Variants in NRG1 observed in about 807,000 individuals in gnomAD.
The protein encoded by NRG1 is neuregulin 1, also known as pro-neuregulin-1, membrane-bound isoform.
Under a neutral mutation model 63.8 loss-of-function variants are expected in NRG1, and 18 were observed. The ratio of observed to expected loss-of-function variants is 0.28; its 90% CI spans 0.19 to 0.42. The LOEUF (loss-of-function observed/expected upper bound fraction) is 0.42, where lower values mean the gene tolerates loss of function less well. Ranked by LOEUF, NRG1 falls within the 10% of genes least tolerant of loss-of-function variation. NRG1 has a pLI of 1.00. For synonymous variants in NRG1, 302 were observed against 301.3 expected (o/e 1.00, Z -0.02); for missense variants, 762 against 814.7 (o/e 0.94, Z 0.79).
chr8:32,716,878 A>G (rs1014631218), intron 5 of NRG1, among the ~76,000 whole-genome samples: 1 of 152,046 alleles, frequency 6.6e-6, no homozygotes, highest in African/African-American at 2.4e-5. Context: ...AGCAGGATGC[A>G]GAACCCCAAT....
chr8:32,284,671 C>T (rs1853313979), intron 1 of NRG1, among the ~76,000 whole-genome samples: 1 of 152,132 alleles, frequency 6.6e-6, no homozygotes, highest in Admixed American at 6.5e-5. Context: ...GCTGGGACCA[C>T]AGGCACATAT....
At chr8:31,700,398 C>G (rs1248607809) in intron 1 of NRG1, among the ~76,000 whole-genome samples, 1 of 152,132 alleles carries the variant, frequency 6.6e-6, no homozygotes, top group Non-Finnish European at 1.5e-5. Context: ...GCACCAAAGC[C>G]TAACCTAGGA....
chr8:32,736,811 G>GGTCAATTTTTATAAAAT (rs1825184882), intron 6 of NRG1, among the ~76,000 whole-genome samples: 1 of 152,014 alleles, frequency 6.6e-6, no homozygotes, highest in Non-Finnish European at 1.5e-5. Context: ...GACCATAAAT[G>GGTCAATTTTTATAAAAT]TGTGGTTTAT....
At chr8:31,930,036 G>C (rs1189042877) in intron 1 of NRG1, among the ~76,000 whole-genome samples, 1 of 152,182 alleles carries the variant, frequency 6.6e-6, no homozygotes. Flanking sequence ...CTGATTCCTT[G>C]CCAGGTCAGT....
intron 1 of NRG1, among the ~76,000 whole-genome samples, chr8:32,439,097 A>C (rs1819169332): frequency 6.6e-6 from 1 of 152,082 alleles, no homozygotes; most frequent in Non-Finnish European, 1.5e-5. Context: ...TGATAGAAAA[A>C]CTTGTCCTAG....
At chr8:32,572,363 A>G (rs542771358) in intron 1 of NRG1, among the ~76,000 whole-genome samples, 1 of 152,216 alleles carries the variant, frequency 6.6e-6, no homozygotes, top group African/African-American at 2.4e-5. Flanking sequence ...TCAATATATC[A>G]TAAGTGAGGT....
In NRG1 at chr8:32,293,409, T is replaced by A. The variant is rs560296322; in HGVS notation, c.38-302419T>A. On this transcript the variant is annotated intron_variant, in intron 1 of 10. Coordinates refer to the NRG1 transcript ENST00000519301. ...AGAGCTGTGAGAGGCAAGGAACAGATTTTTCCCTGGAGCCTCCGGAGGAAG... is the reference window on the plus strand; with the variant it reads ...AGAGCTGTGAGAGGCAAGGAACAGAATTTTCCCTGGAGCCTCCGGAGGAAG... Among the ~76,000 whole-genome samples, 22 of 152,162 alleles carry A rather than the reference T, an allele frequency of 1.4e-4. 1 individual carries two copies. In the South Asian group the frequency reaches 4.6e-3, roughly 32 times the overall value.
intron 1 of NRG1, among the ~76,000 whole-genome samples, chr8:32,087,323 C>T (rs376618087): frequency 3.9e-5 from 6 of 152,056 alleles, no homozygotes; most frequent in African/African-American, 1.4e-4. Flanking sequence ...CCTCCCCAAC[C>T]GATCTCTTCC....
intron 1 of NRG1, among the ~76,000 whole-genome samples, chr8:31,800,027 G>T (rs1384207486): frequency 1.3e-5 from 2 of 152,264 alleles, no homozygotes; most frequent in East Asian, 3.9e-4. Context: ...AATTCTCTTG[G>T]AAACATCGTC....
At chr8:31,700,226 T>C (rs961043145) in intron 1 of NRG1, among the ~76,000 whole-genome samples, 1 of 152,020 alleles carries the variant, frequency 6.6e-6, no homozygotes, top group African/African-American at 2.4e-5. Context: ...GGAGGCAGCT[T>C]TTACTCTCTG....
intron 1 of NRG1, among the ~76,000 whole-genome samples, chr8:32,096,754 G>A (rs745583782): frequency 7.9e-5 from 12 of 152,092 alleles, no homozygotes; most frequent in Admixed American, 3.9e-4. Flanking sequence ...ACTCACTCCC[G>A]ATCTCCCCAC....
chr8:32,151,700 A>T (rs1414990823), intron 1 of NRG1, among the ~76,000 whole-genome samples: 1 of 152,130 alleles, frequency 6.6e-6, no homozygotes, highest in Non-Finnish European at 1.5e-5. Flanking sequence ...AGCAGGGGGA[A>T]CCTGGCAACA....
chr8:32,090,446 G>C (rs556323072), intron 1 of NRG1, among the ~76,000 whole-genome samples: 1 of 151,976 alleles, frequency 6.6e-6, no homozygotes, highest in South Asian at 2.1e-4. Context: ...TCAGCCTCCC[G>C]AGAAGCTGGG....
intron 1 of NRG1, among the ~76,000 whole-genome samples, chr8:32,108,505 T>C (rs1831570869): frequency 6.6e-6 from 1 of 152,168 alleles, no homozygotes; most frequent in African/African-American, 2.4e-5. Flanking sequence ...CATGGCCTAA[T>C]TACCTCTTAA....
chr8:32,233,417 T>C (rs1246152604), intron 1 of NRG1, among the ~76,000 whole-genome samples: 1 of 151,680 alleles, frequency 6.6e-6, no homozygotes. Flanking sequence ...TGAGTGTACA[T>C]TATAAATAAA....
At chr8:31,765,522 G>T (rs775101802) in intron 1 of NRG1, among the ~76,000 whole-genome samples, 1 of 152,140 alleles carries the variant, frequency 6.6e-6, no homozygotes, top group Admixed American at 6.6e-5. Flanking sequence ...GTGTTTCTGA[G>T]AGTTTTTATC....
At chr8:31,778,267 C>T (rs960522359) in intron 1 of NRG1, among the ~76,000 whole-genome samples, 1 of 152,202 alleles carries the variant, frequency 6.6e-6, no homozygotes, top group Admixed American at 6.5e-5. Context: ...GGCTTCCTGT[C>T]GTACTCTCTG....
intron 1 of NRG1, among the ~76,000 whole-genome samples, chr8:32,273,562 C>T (rs1347101285): frequency 6.6e-6 from 1 of 152,122 alleles, no homozygotes; most frequent in Non-Finnish European, 1.5e-5. Flanking sequence ...TGCTTTTGTT[C>T]TGCCTGTGTT....
chr8:32,066,030 G>T (rs1490495317), intron 1 of NRG1, among the ~76,000 whole-genome samples: 1 of 152,202 alleles, frequency 6.6e-6, no homozygotes, highest in East Asian at 1.9e-4. Context: ...TTTTGATGGG[G>T]TTGTTTGTTT....
Sources: allele counts gnomAD v4.1 joint callset (sites outside exome capture counted in the v4.1 genomes callset), GRCh38; gene constraint gnomAD v4.1.1; transcripts MANE v1.5; gene names NCBI Gene and HGNC (gene_info 2026-07-23, HGNC 2026-07-21).